Variants in TEK observed in about 807,000 individuals in gnomAD.
TEK encodes angiopoietin-1 receptor.
In TEK, 43 loss-of-function variants were observed where a neutral mutation model predicts 131.8. The observed-to-expected ratio is 0.33, with a 90% confidence interval of 0.26 to 0.42. The LOEUF (loss-of-function observed/expected upper bound fraction) is 0.42, where lower values mean the gene tolerates loss of function less well. TEK is among the 10% of genes least tolerant of loss of function. TEK has a pLI of 1.00. For synonymous variants in TEK, 580 were observed against 491.6 expected (o/e 1.18, Z -2.38); for missense variants, 1,162 against 1,384.4 (o/e 0.84, Z 2.55).
chr9:27,132,149 A>G (rs1369740820), intron 1 of TEK, among the ~76,000 whole-genome samples: 1 of 144,992 alleles, frequency 6.9e-6, no homozygotes, highest in East Asian at 2.0e-4. Flanking sequence ...GTGCAGTGGC[A>G]TGATCTTGGC....
rs368627200 is a variant in TEK at position 27,138,926 on chromosome 9, T to G, written c.53-18905T>G. Among the ~76,000 whole-genome samples the G allele has an allele frequency of 2.3e-3, 357 of 152,212 alleles. 2 individuals carry two copies. Among genetic ancestry groups the G allele is most frequent in the African/African-American group, 7.9e-3 (330 of 41,530 alleles). On this transcript the variant is annotated intron_variant, in intron 1 of 22. Coordinates refer to ENST00000380036, the MANE Select transcript of TEK (RefSeq NM_000459.5). ...TGTAGCAGTTTTGAAAGTAGGATTC[T>G]TAGATGGGCACGGTGGCTCAAGCCT...
At chr9:27,113,273 T>G (rs1346029401) in intron 1 of TEK, among the ~76,000 whole-genome samples, 1 of 152,210 alleles carries the variant, frequency 6.6e-6, no homozygotes, top group Non-Finnish European at 1.5e-5. Flanking sequence ...TGTGAAATGC[T>G]TAGCCAGTGA....
At chr9:27,152,301 A>G (rs1330083356) in intron 1 of TEK, among the ~76,000 whole-genome samples, 4 of 152,138 alleles carry the variant, frequency 2.6e-5, no homozygotes, top group Admixed American at 1.3e-4. Context: ...CTGCGATGCA[A>G]TAATTTAATC....
intron 7 of TEK, among the ~76,000 whole-genome samples, chr9:27,180,991 T>C (rs1824348379): frequency 6.6e-6 from 1 of 152,318 alleles, no homozygotes; most frequent in Admixed American, 6.5e-5. Flanking sequence ...AATCTAATTT[T>C]ACAACATATT....
chr9:27,178,552 G>T (rs1824252352), intron 6 of TEK, among the ~76,000 whole-genome samples: 1 of 152,062 alleles, frequency 6.6e-6, no homozygotes, highest in South Asian at 2.1e-4. Context: ...ACTTAGTTGT[G>T]ATTGATACTA....
At chr9:27,218,702 C>T in intron 19 of TEK, 75 bp from the exon 20 acceptor site, 1 of 1,539,858 alleles carries the variant, frequency 6.5e-7, no homozygotes, top group Non-Finnish European at 9.0e-7. Flanking sequence ...GGTGGGTCTC[C>T]CTGGCTTTTG....
intron 1 of TEK, among the ~76,000 whole-genome samples, chr9:27,110,891 A>G (rs1821315730): frequency 6.9e-6 from 1 of 145,018 alleles, no homozygotes; most frequent in African/African-American, 2.5e-5. Flanking sequence ...TATGTACTTC[A>G]AATAATTATC....
At chr9:27,119,264 G>T (rs1189893255) in intron 1 of TEK, among the ~76,000 whole-genome samples, 2 of 152,100 alleles carry the variant, frequency 1.3e-5, no homozygotes, top group Admixed American at 6.6e-5. Context: ...CCTCAGGTTA[G>T]TTCCTAGAAA....
At chr9:27,111,956 T>C (rs1286291452) in intron 1 of TEK, among the ~76,000 whole-genome samples, 1 of 149,636 alleles carries the variant, frequency 6.7e-6, no homozygotes, top group African/African-American at 2.5e-5. Flanking sequence ...TAGAATGTAG[T>C]AGAGTGATCT....
At chr9:27,193,447 C>A (rs934350480) in intron 11 of TEK, among the ~76,000 whole-genome samples, 2 of 152,128 alleles carry the variant, frequency 1.3e-5, no homozygotes, top group Admixed American at 6.5e-5. Context: ...TGTAAAATTA[C>A]TTCTGGACTT....
At chr9:27,229,047 C>T (rs901060264) in intron 22 of TEK, 111 bp from the exon 23 acceptor site, 1 of 885,880 alleles carries the variant, frequency 1.1e-6, no homozygotes, top group Non-Finnish European at 1.9e-6. Context: ...CCCCCAAGTG[C>T]TTAGTATATG....
At chr9:27,113,606 A>C (rs918631937) in intron 1 of TEK, among the ~76,000 whole-genome samples, 5 of 150,124 alleles carry the variant, frequency 3.3e-5, no homozygotes, top group African/African-American at 1.2e-4. Flanking sequence ...AAATAAAATA[A>C]AATAAATAAT....
chr9:27,217,488 C>G (rs1825859200), intron 18 of TEK, among the ~76,000 whole-genome samples, 200 bp from the exon 19 acceptor site: 1 of 148,778 alleles, frequency 6.7e-6, no homozygotes, highest in Non-Finnish European at 1.5e-5. Context: ...TATAACGCTG[C>G]TGGACCCCGA....
At chr9:27,163,319 C>G (rs1164408857) in intron 2 of TEK, among the ~76,000 whole-genome samples, 1 of 152,026 alleles carries the variant, frequency 6.6e-6, no homozygotes, top group Non-Finnish European at 1.5e-5. Context: ...CTGGAACACC[C>G]AATCTAGTAG....
intron 10 of TEK, among the ~76,000 whole-genome samples, chr9:27,191,068 G>A (rs1156244955): frequency 6.6e-6 from 1 of 152,308 alleles, no homozygotes; most frequent in Middle Eastern, 3.4e-3. Flanking sequence ...GGGCAGAGAG[G>A]CTTAATCTGC....
intron 1 of TEK, among the ~76,000 whole-genome samples, chr9:27,128,499 T>C (rs1822079859): frequency 6.6e-6 from 1 of 152,226 alleles, no homozygotes; most frequent in African/African-American, 2.4e-5. Flanking sequence ...AGCAGTTTTA[T>C]CTAATTCTGT....
rs368736087 is a variant in TEK, at chr9:27,167,998, A to C, written c.365-497A>C. Among the ~76,000 whole-genome samples, 102 of 152,314 alleles carry C rather than the reference A, an allele frequency of 6.7e-4. 1 individual carries two copies. The East Asian group carries it at 0.014, about 22-fold the overall frequency. ...AGTGTTCCAAATCCAAAAATCTGAA[A>C]TCTGAGATGCTCCAAGATCCAAAAA... On this transcript the variant is annotated intron_variant, in intron 2 of 22. Coordinates refer to ENST00000380036, the MANE Select transcript of TEK (RefSeq NM_000459.5).
chr9:27,193,802 G>A (rs1000018673), intron 11 of TEK, among the ~76,000 whole-genome samples: 1 of 152,072 alleles, frequency 6.6e-6, no homozygotes. Flanking sequence ...AAATCTTCGG[G>A]CTTCATATCT....
Position 27,230,014 on chromosome 9 carries a change from G to T in TEK, c.*782G>T, listed in dbSNP as rs1826502521. 1 of 152,124 alleles carries T rather than the reference G, an allele frequency of 6.6e-6. No individual in the cohort carries two copies. The highest frequency in any genetic ancestry group is 2.1e-4 in the South Asian group (1 of 4,824). 9.4% of individuals were successfully genotyped at this position (152,124 alleles called of 1,614,324 possible). A position where few individuals can be genotyped will look rare whatever the true frequency, so the allele number is the denominator to read the frequency against. ...TAACAGAAAGCCTGGGTGACATTTG[G>T]GAGACATGTGACATTTATATATTGA... On this transcript the variant is annotated 3_prime_UTR_variant, in exon 23 of 23. Transcript: ENST00000380036.
Sources: gnomAD v4.1 joint callset for allele counts (sites outside exome capture counted in the v4.1 genomes callset) on GRCh38, gnomAD v4.1.1 for gene constraint, MANE v1.5 for transcripts, NCBI Gene and HGNC (gene_info 2026-07-23, HGNC 2026-07-21) for gene names.